Variants in ADGRE3 observed in about 807,000 individuals in gnomAD.
ADGRE3 encodes the protein EGF-like module receptor 3.
ADGRE3 carries 88 observed loss-of-function variants against 80.1 expected under a neutral mutation model. The ratio of observed to expected loss-of-function variants is 1.10; its 90% CI spans 0.93 to 1.31. ADGRE3 has a LOEUF of 1.31. ADGRE3 is among the 40% of genes most tolerant of loss of function. The probability of loss-of-function intolerance (pLI) is 0.00; values close to 1 mark genes in which losing one functional copy is unlikely to be tolerated. For missense variants in ADGRE3, 715 were observed against 776.5 expected (o/e 0.92, Z 0.94); for synonymous variants, 281 against 294.8 (o/e 0.95, Z 0.48).
chr19:14,646,360 C>G (rs1192100011), intron 8 of ADGRE3, among the ~76,000 whole-genome samples: 1 of 152,160 alleles, frequency 6.6e-6, no homozygotes, highest in South Asian at 2.1e-4. Context: ...ATGATCCCCC[C>G]ACCTTGGCCT....
intron 6 of ADGRE3, among the ~76,000 whole-genome samples, chr19:14,652,058 GTAAA>G (rs778284103): frequency 3.3e-5 from 5 of 151,902 alleles, no homozygotes; most frequent in Non-Finnish European, 7.4e-5. Context: ...AAGTAAGTAA[GTAAA>G]TAAATAAATA....
Position 14,674,802 on chromosome 19 carries a change from C to A in ADGRE3, c.-32G>T. The A allele has an allele frequency of 1.2e-6, 2 of 1,612,584 alleles. No homozygotes were observed. The highest frequency in any genetic ancestry group is 1.7e-6 in the Non-Finnish European group (2 of 1,179,208). The stretch of plus-strand genomic sequence containing the variant: ...GGTACGGGTATCCCACGCCAGCCAG[C>A]CCTGGAAGCTCTCTACTGTGCCGTA... On this transcript the variant is annotated 5_prime_UTR_variant, in exon 1 of 16. Transcript: ENST00000253673.
chr19:14,654,111 C>T (rs1971681379), intron 6 of ADGRE3, among the ~76,000 whole-genome samples: 1 of 149,944 alleles, frequency 6.7e-6, no homozygotes, highest in Non-Finnish European at 1.5e-5. Context: ...AGCTACCACG[C>T]CCCGCTAATT....
intron 14 of ADGRE3, among the ~76,000 whole-genome samples, chr19:14,626,608 G>A (rs969051081): frequency 1.3e-5 from 2 of 152,152 alleles, no homozygotes; most frequent in Admixed American, 6.5e-5. Context: ...AGCAGACCCT[G>A]CAACAAGGGT....
chr19:14,663,471 T>A lies in ADGRE3; in HGVS notation c.146A>T (p.Tyr49Phe), dbSNP rs747044399. The change falls in exon 3 of 16, where the codon TAT (tyrosine) becomes TTT (phenylalanine). Residue 49 changes from tyrosine (Y) to phenylalanine (F), a missense_variant. Transcript: ENST00000253673. The part of the protein sequence containing the change: ...NNTHCTCNHG[Y>F]TSGSGQKLFT... Reference sequence around the variant, plus strand: ...TAGTTTCTGCCCAGATCCAGAAGTATATCCATGGTTGCAGGTGCAGTGAGT... The same window carrying A: ...TAGTTTCTGCCCAGATCCAGAAGTAAATCCATGGTTGCAGGTGCAGTGAGT... 1.2e-6 allele frequency: 2 copies of A among 1,613,380 alleles called. No individual in the cohort carries two copies. Among genetic ancestry groups the A allele is most frequent in the Non-Finnish European group, 1.7e-6 (2 of 1,179,512 alleles).
intron 13 of ADGRE3, among the ~76,000 whole-genome samples, chr19:14,630,533 C>T (rs775098558): frequency 7.9e-5 from 12 of 152,044 alleles, no homozygotes; most frequent in Non-Finnish European, 1.8e-4. Context: ...CTCAGCCTCC[C>T]CAGTAGCTGG....
At chr19:14,636,145 T>C (rs145252067) in intron 11 of ADGRE3, among the ~76,000 whole-genome samples, 5,990 of 21,990 alleles carry the variant, frequency 0.27, 1,547 homozygotes, top group South Asian at 0.47. Flanking sequence ...TTTCTTTCTT[T>C]CTTTCTTCCT....
chr19:14,644,748 C>T (rs749738460), intron 8 of ADGRE3, among the ~76,000 whole-genome samples: 7 of 152,010 alleles, frequency 4.6e-5, no homozygotes, highest in East Asian at 1.9e-4. Flanking sequence ...GTTTTTGAGA[C>T]GGGGTCTCAT....
At chr19:14,601,731 G>A in the ADGRE3 span, among the ~76,000 whole-genome samples, 15 of 152,090 alleles carry the variant, frequency 9.9e-5, no homozygotes, top group East Asian at 1.4e-3. Context: ...CAATTCTTTC[G>A]CCTCACCCTC....
chr19:14,623,917 C>A (rs1970665290), intron 15 of ADGRE3, among the ~76,000 whole-genome samples: 1 of 152,108 alleles, frequency 6.6e-6, no homozygotes, highest in African/African-American at 2.4e-5. Context: ...GGAACTCAAA[C>A]CAGGTTATCG....
At chr19:14,608,146 A>C in the ADGRE3 span, among the ~76,000 whole-genome samples, 1 of 152,192 alleles carries the variant, frequency 6.6e-6, no homozygotes, top group East Asian at 1.9e-4. Context: ...TGCTGGGATG[A>C]CAGGCTTGAG....
At chr19:14,633,179 T>C in intron 12 of ADGRE3, 57 bp downstream of exon 12, 1 of 1,496,210 alleles carries the variant, frequency 6.7e-7, no homozygotes, top group Non-Finnish European at 9.3e-7. Context: ...TACCATCTTG[T>C]ACCCAGCACT....
chr19:14,649,390 A>C (rs1286756514), intron 7 of ADGRE3, among the ~76,000 whole-genome samples: 559 of 83,038 alleles, frequency 6.7e-3, no homozygotes, highest in Middle Eastern at 0.011. Context: ...CTCTCTCCCC[A>C]TCTCTCTCTT....
chr19:14,616,164 T>A (rs1289172174), downstream of ADGRE3, among the ~76,000 whole-genome samples: 2 of 152,014 alleles, frequency 1.3e-5, no homozygotes, highest in Non-Finnish European at 2.9e-5. Flanking sequence ...ACTCCTGACC[T>A]CTGCCCTTGT....
intron 11 of ADGRE3, 65 bp from the exon 12 acceptor site, chr19:14,633,367 T>C: frequency 1.6e-6 from 2 of 1,279,318 alleles, no homozygotes; most frequent in African/African-American, 3.0e-5. Flanking sequence ...CAACATAAAG[T>C]GTCTCTTTTC....
chr19:14,619,690 C>T (rs1464438585), intron 15 of ADGRE3, among the ~76,000 whole-genome samples: 2 of 152,104 alleles, frequency 1.3e-5, no homozygotes, highest in African/African-American at 4.8e-5. Flanking sequence ...AAGAATTCTT[C>T]TTTTTGATAA....
intron 10 of ADGRE3, 70 bp from the exon 11 acceptor site, chr19:14,638,410 C>A: frequency 8.2e-7 from 1 of 1,212,662 alleles, no homozygotes; most frequent in Non-Finnish European, 1.2e-6. Flanking sequence ...CTCTCCTTGA[C>A]ATTGGCTTTG....
chr19:14,625,600 C>G lies in ADGRE3; in HGVS notation c.1813-1G>C. 6.2e-7 allele frequency: 1 copy of G among 1,600,790 alleles called. No individual in the cohort carries two copies. ...ACCACTTTTGATATTGTTTCTGGACCTGGAACATCAAAGGAAATACCTGGA... is the reference window on the plus strand; with the variant it reads ...ACCACTTTTGATATTGTTTCTGGACGTGGAACATCAAAGGAAATACCTGGA... On this transcript the variant is annotated splice_acceptor_variant, in intron 14 of 15. Coordinates refer to ENST00000253673, the MANE Select transcript of ADGRE3 (RefSeq NM_032571.5). LOFTEE classifies it high-confidence loss of function.
At chr19:14,661,815 G>T (rs1425631999) in intron 4 of ADGRE3, 148 bp downstream of exon 4, 2 of 737,836 alleles carry the variant, frequency 2.7e-6, no homozygotes, top group Admixed American at 2.7e-5. Flanking sequence ...CAGGAGAATC[G>T]CTTGAGCCCG....
Sources: allele counts gnomAD v4.1 joint callset (sites outside exome capture counted in the v4.1 genomes callset), GRCh38; gene constraint gnomAD v4.1.1; transcripts MANE v1.5; gene names NCBI Gene and HGNC (gene_info 2026-07-23, HGNC 2026-07-21).